BCCIP: variants seen among roughly 807,000 people sequenced by gnomAD.
The protein encoded by BCCIP is BRCA2 and CDKN1A-interacting protein.
In BCCIP, 23 loss-of-function variants were observed where a neutral mutation model predicts 32.8. That is an observed-to-expected ratio of 0.70 (90% CI 0.51 to 0.99). The LOEUF is 0.99. Among genes scored for constraint, BCCIP ranks in the 50% least tolerant of loss-of-function variants. The pLI is 0.00. For missense variants in BCCIP, 378 were observed against 379.8 expected (o/e 1.00, Z 0.04); for synonymous variants, 144 against 137.6 (o/e 1.05, Z -0.33).
chr10:125,835,607 AC>A (rs1854658445), intron 6 of BCCIP, among the ~76,000 whole-genome samples: 2 of 151,966 alleles, frequency 1.3e-5, no homozygotes, highest in Non-Finnish European at 2.9e-5. Flanking sequence ...AACAAAAAAA[AC>A]AAAACCATAT....
intron 7 of BCCIP, chr10:125,852,618 T>G (rs1944105986): frequency 6.2e-7 from 1 of 1,612,044 alleles, no homozygotes; most frequent in Non-Finnish European, 8.5e-7. Context: ...ACGAGCGAGT[T>G]TGCTCTTATT....
chr10:125,853,053 C>T, intron 7 of BCCIP: 1 of 1,122,620 alleles, frequency 8.9e-7, no homozygotes, highest in Non-Finnish European at 1.3e-6. Flanking sequence ...CTTTACAACA[C>T]ATACTGAGAG....
chr10:125,830,759 G>C (rs1001696891), intron 4 of BCCIP, 108 bp downstream of exon 4: 17 of 697,062 alleles, frequency 2.4e-5, no homozygotes, highest in Non-Finnish European at 4.3e-5. Flanking sequence ...ATTAACTATA[G>C]GGATAAGTGC....
Position 125,827,567 on chromosome 10 carries a change from A to G in BCCIP, c.250A>G (p.Lys84Glu), listed in dbSNP as rs1169465893. The stretch of plus-strand genomic sequence containing the variant: ...TTTTTCCTCCTTTTAGCTTTTTCTA[A>G]AGGCTCCTGTGAACACTGCAGAACT... ...IKKLLQQLFL[K>E]APVNTAELTD... The change falls in exon 3 of 7, where the codon AAG becomes GAG. Residue 84 changes from lysine (K) to glutamate (E), a missense_variant. Transcript: ENST00000278100. 1 of 1,606,542 alleles carries G rather than the reference A, an allele frequency of 6.2e-7. No individual in the cohort carries two copies. Among genetic ancestry groups the G allele is most frequent in the Non-Finnish European group, 8.5e-7 (1 of 1,176,042 alleles).
downstream of BCCIP, among the ~76,000 whole-genome samples, chr10:125,843,299 G>A (rs542006422): frequency 2.8e-4 from 43 of 152,240 alleles, no homozygotes; most frequent in African/African-American, 1.0e-3. Flanking sequence ...CTTATGTGCT[G>A]TCTAAACTTT....
chr10:125,850,268 A>G (rs1944073230), intron 7 of BCCIP, among the ~76,000 whole-genome samples: 1 of 151,122 alleles, frequency 6.6e-6, no homozygotes, highest in Non-Finnish European at 1.5e-5. Context: ...GTGAGCCACC[A>G]TGCCCAGCCC....
chr10:125,823,663 G>A lies in BCCIP; in HGVS notation c.106G>A (p.Asp36Asn), dbSNP rs199538471. The change falls in exon 1 of 7, where the codon GAT becomes AAT. Residue 36 changes from aspartate to asparagine, a missense_variant. Asp to Asn is a conservative substitution (Grantham distance 23). Transcript: ENST00000278100. ...AGAGGAAAAAGAAGTCGAAAATGAG[G>A]ATGAAGACGATGATGACAGTGACAA... ...EEEEKEVENE[D>N]EDDDDSDKEK... 7.0e-4 allele frequency: 1,125 copies of A among 1,614,102 alleles called. 1 individual carries two copies. The highest frequency in any genetic ancestry group is 8.7e-4 in the Non-Finnish European group (1,025 of 1,179,986).
downstream of BCCIP, chr10:125,836,558 C>G: frequency 7.5e-7 from 1 of 1,340,406 alleles, no homozygotes; most frequent in African/African-American, 1.5e-5. Flanking sequence ...ATAATATACA[C>G]AGTGTTATTT....
chr10:125,841,699 G>A (rs1227044795), exon 7 of BCCIP: 1 of 1,591,116 alleles, frequency 6.3e-7, no homozygotes, highest in Admixed American at 1.9e-5. Flanking sequence ...TCTATACCTA[G>A]TGCAGATTTG....
downstream of BCCIP, among the ~76,000 whole-genome samples, chr10:125,844,438 C>A (rs982949371): frequency 6.6e-6 from 1 of 152,170 alleles, no homozygotes; most frequent in South Asian, 2.1e-4. Flanking sequence ...TTGAGTTGGC[C>A]GCACACAGGG....
downstream of BCCIP, among the ~76,000 whole-genome samples, chr10:125,843,441 T>C (rs912877416): frequency 9.9e-5 from 15 of 151,902 alleles, no homozygotes; most frequent in Non-Finnish European, 1.6e-4. Flanking sequence ...AAACCCCGTC[T>C]CAACTAAAAA....
Position 125,836,265 on chromosome 10 carries a change from A to G in BCCIP, c.936A>G (p.Leu312=), listed in dbSNP as rs1334770865. The G allele has an allele frequency of 1.9e-6, 3 of 1,614,122 alleles. No homozygotes were observed. The highest frequency in any genetic ancestry group is 4.5e-5 in the East Asian group (2 of 44,892). Residue 312 remains leucine (L), a synonymous_variant, in exon 7 of 7, where the codon CTA becomes CTG. Transcript: ENST00000278100. ...TCATGGATAAACTGAAAGAATATCT[A>G]TCTGTCTAACCCATTTCCAATGGAC... is the stretch of plus-strand genomic sequence containing the variant. ...NEIMDKLKEY[L]SV
intron 5 of BCCIP, among the ~76,000 whole-genome samples, chr10:125,833,238 G>A (rs772185668): frequency 1.3e-5 from 2 of 152,140 alleles, no homozygotes; most frequent in Non-Finnish European, 2.9e-5. Context: ...TTTTCAGAAA[G>A]AAGAAACATT....
downstream of BCCIP, chr10:125,841,110 C>T (rs1331381866): frequency 7.3e-7 from 1 of 1,376,798 alleles, no homozygotes; most frequent in Non-Finnish European, 9.9e-7. Flanking sequence ...TCTTGGTACT[C>T]TGAATAAATA....
intron 5 of BCCIP, 35 bp downstream of exon 5, chr10:125,831,642 A>C (rs1564818568): frequency 6.4e-7 from 1 of 1,556,406 alleles, no homozygotes; most frequent in South Asian, 1.2e-5. Context: ...TTGAACAGTA[A>C]TTTTTTTTTC....
rs766255855 is a variant in BCCIP, at chr10:125,830,583, A to G, written c.343A>G (p.Ser115Gly). The G allele has an allele frequency of 3.1e-6, 5 of 1,603,030 alleles. No homozygotes were observed. Among genetic ancestry groups the G allele is most frequent in the Non-Finnish European group, 3.4e-6 (4 of 1,174,354 alleles). Reference protein sequence around the residue: ...VIKQTDVSEDSNDDMDEDEVF... With the variant: ...VIKQTDVSEDGNDDMDEDEVF... ...ATAGCAAACGGATGTTTCAGAAGACAGCAATGATGATATGGATGAAGATGA... is the reference window on the plus strand; with the variant it reads ...ATAGCAAACGGATGTTTCAGAAGACGGCAATGATGATATGGATGAAGATGA... Residue 115 changes from serine (S) to glycine (G), a missense_variant, in exon 4 of 7, where the codon AGC becomes GGC. Physicochemically the swap from Ser to Gly is moderately conservative, Grantham distance 56 (BLOSUM62 0). Transcript: ENST00000278100.
At chr10:125,838,058 A>T (rs1854752775), downstream of BCCIP, 2 of 657,276 alleles carry the variant, frequency 3.0e-6, no homozygotes, top group South Asian at 2.4e-5. Context: ...TCATCCACAG[A>T]GGCCTGCCCT....
chr10:125,832,676 C>T (rs1195863708), intron 5 of BCCIP, among the ~76,000 whole-genome samples: 3 of 152,172 alleles, frequency 2.0e-5, no homozygotes, highest in South Asian at 2.1e-4. Context: ...CGCCTGTAGT[C>T]GCAGCTACTC....
downstream of BCCIP, among the ~76,000 whole-genome samples, chr10:125,837,136 C>T (rs1450425755): frequency 1.3e-5 from 2 of 152,168 alleles, no homozygotes; most frequent in Non-Finnish European, 2.9e-5. Context: ...CTAGTATTTC[C>T]CCTAAGGCCC....
Sources: allele counts gnomAD v4.1 joint callset (sites outside exome capture counted in the v4.1 genomes callset), GRCh38; gene constraint gnomAD v4.1.1; transcripts MANE v1.5; gene names NCBI Gene and HGNC (gene_info 2026-07-23, HGNC 2026-07-21).